Variants in PHLPP1 observed in about 807,000 individuals in gnomAD.
The protein encoded by PHLPP1 is PH domain and leucine rich repeat protein phosphatase 1.
Under a neutral mutation model 117.2 loss-of-function variants are expected in PHLPP1, and 42 were observed. The observed-to-expected ratio is 0.36, with a 90% CI of 0.28 to 0.46. The LOEUF (loss-of-function observed/expected upper bound fraction) is 0.46. Among genes scored for constraint, PHLPP1 ranks in the 20% least tolerant of loss-of-function variants. The pLI is 1.00. For missense variants in PHLPP1, 2,084 were observed against 2,241.9 expected (o/e 0.93, Z 1.42); for synonymous variants, 1,042 against 970.7 (o/e 1.07, Z -1.37).
intron 6 of PHLPP1, among the ~76,000 whole-genome samples, chr18:62,901,572 A>T (rs995608397): frequency 1.3e-5 from 2 of 151,560 alleles, no homozygotes; most frequent in African/African-American, 2.4e-5. Flanking sequence ...GAAATTCACT[A>T]TAGAGAAACT....
chr18:62,891,077 T>G (rs1455603550), intron 4 of PHLPP1, among the ~76,000 whole-genome samples: 1 of 152,202 alleles, frequency 6.6e-6, no homozygotes, highest in African/African-American at 2.4e-5. Context: ...AAACATTGAA[T>G]AACTTTTTTC....
chr18:62,740,294 A>G (rs569533128), intron 1 of PHLPP1, among the ~76,000 whole-genome samples: 1 of 152,284 alleles, frequency 6.6e-6, no homozygotes, highest in East Asian at 1.9e-4. Flanking sequence ...TTATAAACTC[A>G]TTTATGGATA....
chr18:62,921,374 GCATGTGT>G (rs2144427279), intron 10 of PHLPP1, among the ~76,000 whole-genome samples: 1 of 152,322 alleles, frequency 6.6e-6, no homozygotes, highest in South Asian at 2.1e-4. Context: ...CTATGTTTCA[GCATGTGT>G]CATATTATGT....
At chr18:62,802,784 G>C (rs1250323131) in intron 1 of PHLPP1, among the ~76,000 whole-genome samples, 2 of 152,032 alleles carry the variant, frequency 1.3e-5, no homozygotes, top group Non-Finnish European at 2.9e-5. Context: ...GACAACTTGT[G>C]AAGTTGTCTT....
chr18:62,797,911 G>A (rs1388213151), intron 1 of PHLPP1, among the ~76,000 whole-genome samples: 1 of 152,078 alleles, frequency 6.6e-6, no homozygotes, highest in Non-Finnish European at 1.5e-5. Flanking sequence ...CCTGACTAAT[G>A]GAAGGCATAT....
chr18:62,960,703 G>T (rs570180585), intron 13 of PHLPP1, among the ~76,000 whole-genome samples: 8 of 152,282 alleles, frequency 5.3e-5, no homozygotes, highest in Middle Eastern at 3.4e-3. Flanking sequence ...AATTGGTGCT[G>T]CTGAAGGAGT....
chr18:62,787,936 C>T (rs1913343433), intron 1 of PHLPP1, among the ~76,000 whole-genome samples: 1 of 152,164 alleles, frequency 6.6e-6, no homozygotes, highest in African/African-American at 2.4e-5. Flanking sequence ...AGTACATTTG[C>T]CCTGTTTAGA....
At chr18:62,953,262 T>G (rs189039081) in intron 12 of PHLPP1, among the ~76,000 whole-genome samples, 1 of 152,356 alleles carries the variant, frequency 6.6e-6, no homozygotes, top group East Asian at 1.9e-4. Flanking sequence ...GTTCATTATC[T>G]GATCCCTCTG....
At chr18:62,934,868 G>A (rs970768110) in intron 10 of PHLPP1, among the ~76,000 whole-genome samples, 8 of 152,102 alleles carry the variant, frequency 5.3e-5, no homozygotes, top group African/African-American at 1.9e-4. Flanking sequence ...TAGTACCTCA[G>A]GTATGGAGGG....
At chr18:62,733,163 A>G (rs1016015831) in intron 1 of PHLPP1, among the ~76,000 whole-genome samples, 7 of 152,228 alleles carry the variant, frequency 4.6e-5, no homozygotes, top group Non-Finnish European at 1.0e-4. Flanking sequence ...TTGTGAAAGG[A>G]ATAGTTAGTT....
At chr18:62,755,854 A>G (rs1912000266) in intron 1 of PHLPP1, among the ~76,000 whole-genome samples, 1 of 152,114 alleles carries the variant, frequency 6.6e-6, no homozygotes, top group African/African-American at 2.4e-5. Context: ...GGGGTTTCTT[A>G]GAAGGTATTA....
intron 1 of PHLPP1, among the ~76,000 whole-genome samples, chr18:62,746,788 A>G (rs1472413882): frequency 2.0e-5 from 3 of 146,702 alleles, no homozygotes; most frequent in East Asian, 2.0e-4. Flanking sequence ...TTTTTTTTCT[A>G]TTATAAATGG....
intron 10 of PHLPP1, among the ~76,000 whole-genome samples, chr18:62,937,874 T>C (rs1910021490): frequency 6.6e-6 from 1 of 152,064 alleles, no homozygotes; most frequent in Non-Finnish European, 1.5e-5. Flanking sequence ...TACCTGGGCA[T>C]GGTGGTGCAT....
At chr18:62,842,543 T>C (rs1204344117) in intron 3 of PHLPP1, among the ~76,000 whole-genome samples, 1 of 152,058 alleles carries the variant, frequency 6.6e-6, no homozygotes, top group Non-Finnish European at 1.5e-5. Flanking sequence ...TTTGTATTTT[T>C]AGTAGAAACG....
chr18:62,930,264 T>C (rs1229802667), intron 10 of PHLPP1, among the ~76,000 whole-genome samples: 1 of 152,130 alleles, frequency 6.6e-6, no homozygotes, highest in Non-Finnish European at 1.5e-5. Context: ...TATGAAATAA[T>C]TATGACAGAG....
At chr18:62,718,549 C>T (rs1329289904) in intron 1 of PHLPP1, among the ~76,000 whole-genome samples, 3 of 152,162 alleles carry the variant, frequency 2.0e-5, no homozygotes, top group African/African-American at 4.8e-5. Flanking sequence ...TCTGATGAAT[C>T]TTTTACTTGT....
In PHLPP1 at chr18:62,716,505, G is replaced by A. The variant is rs934160877; in HGVS notation, c.822G>A (p.Pro274=). The change falls in exon 1 of 17, where the codon CCG becomes CCA. Residue 274 remains proline (P), a synonymous_variant. Transcript: ENST00000262719. This position sits in a 1 kb window ranked among gnomAD's most constrained non-coding sequence, Gnocchi z 5.7. ...AGGCCGGCCCCCGGCTGGCGCCCCCGGAGCCGCGGGACTCGGAGGTACCGC... is the reference window on the plus strand; with the variant it reads ...AGGCCGGCCCCCGGCTGGCGCCCCCAGAGCCGCGGGACTCGGAGGTACCGC... The part of the protein sequence containing the change: ...PPEAGPRLAP[P]EPRDSEVPPA... The A allele has an allele frequency of 2.1e-4, 257 of 1,200,454 alleles. 1 individual carries two copies. In the African/African-American group the frequency reaches 3.7e-3, roughly 17 times the overall value. 74.4% of individuals were successfully genotyped at this position (1,200,454 alleles called of 1,614,324 possible).
intron 3 of PHLPP1, among the ~76,000 whole-genome samples, chr18:62,851,056 A>G (rs755535975): frequency 6.6e-5 from 10 of 152,228 alleles, no homozygotes; most frequent in Admixed American, 3.9e-4. Context: ...GGAGACAAAG[A>G]CTGCATCTCT....
chr18:62,733,569 T>C (rs1911286484), intron 1 of PHLPP1, among the ~76,000 whole-genome samples: 1 of 152,224 alleles, frequency 6.6e-6, no homozygotes, highest in Non-Finnish European at 1.5e-5. Context: ...ACTGTGATTA[T>C]TTACTATATC....
Sources: allele counts gnomAD v4.1 joint callset (sites outside exome capture counted in the v4.1 genomes callset), GRCh38; gene constraint gnomAD v4.1.1; non-coding constraint Gnocchi (gnomAD v3.1); transcripts MANE v1.5; gene names NCBI Gene and HGNC (gene_info 2026-07-23, HGNC 2026-07-21).